The following COL4A2 variants were observed in gnomAD, a reference collection of about 807,000 sequenced individuals.
The protein encoded by COL4A2 is collagen type IV alpha 2 chain, also known as collagen alpha-2(IV) chain.
Under a neutral mutation model 200.2 loss-of-function variants are expected in COL4A2, and 99 were observed. That is an observed-to-expected ratio of 0.49 (90% CI 0.42 to 0.58). The LOEUF is 0.58. Ranked by LOEUF, COL4A2 falls within the 20% of genes least tolerant of loss-of-function variation. The probability of loss-of-function intolerance (pLI) is 0.00; values close to 1 mark genes in which losing one functional copy is unlikely to be tolerated. For missense variants in COL4A2, 1,950 were observed against 2,314.1 expected (o/e 0.84, Z 3.23); for synonymous variants, 897 against 900.6 (o/e 1.00, Z 0.07).
intron 31 of COL4A2, among the ~76,000 whole-genome samples, chr13:110,481,624 TG>T (rs1400538532): frequency 9.2e-5 from 2 of 21,706 alleles, no homozygotes; most frequent in Non-Finnish European, 9.2e-5. Context: ...GTCCCTCCGT[TG>T]CTGGAGACAC....
intron 4 of COL4A2, among the ~76,000 whole-genome samples, chr13:110,390,843 G>A (rs1288126290): frequency 6.6e-6 from 1 of 152,156 alleles, no homozygotes; most frequent in Non-Finnish European, 1.5e-5. Context: ...TGTTCCCATG[G>A]TATCCTAAAC....
At position 110,511,922 on chromosome 13, in the gene COL4A2, C is replaced by T. The variant is rs760554891; in HGVS notation, c.4882-12C>T. 20 of 1,613,242 alleles carry T rather than the reference C, an allele frequency of 1.2e-5. No homozygotes were observed. Among genetic ancestry groups the T allele is most frequent in the Middle Eastern group, 1.7e-4 (1 of 5,908 alleles). On this transcript the variant is annotated splice_polypyrimidine_tract_variant and intron_variant, in intron 47 of 47. Coordinates refer to ENST00000360467, the MANE Select transcript of COL4A2 (RefSeq NM_001846.4). Reference sequence around the variant, plus strand: ...TGATTCCTAACCCTGTCCTGCCCCCCTCTCTGTGCAGCACACGGCGGCGGG... The same window carrying T: ...TGATTCCTAACCCTGTCCTGCCCCCTTCTCTGTGCAGCACACGGCGGCGGG...
chr13:110,472,921 C>A lies in COL4A2; in HGVS notation c.2204-8C>A. On this transcript the variant is annotated splice_polypyrimidine_tract_variant and splice_region_variant and intron_variant, in intron 28 of 47. Transcript: ENST00000360467. ...TGTGGTTTGGGGCCCACCCATGTTT[C>A]CTTTTAGGGTTCATAGGACCCCGAG... The A allele has an allele frequency of 6.4e-7, 1 of 1,552,354 alleles. No homozygotes were observed. The highest frequency in any genetic ancestry group is 8.7e-7 in the Non-Finnish European group (1 of 1,147,434).
intron 28 of COL4A2, among the ~76,000 whole-genome samples, chr13:110,471,906 C>T (rs976325987): frequency 1.5e-4 from 23 of 152,040 alleles, no homozygotes; most frequent in African/African-American, 4.4e-4. Flanking sequence ...GCATGCACAG[C>T]GGGGGTGGTG....
Position 110,495,406 on chromosome 13 carries a change from G to T in COL4A2, c.3699G>T (p.Glu1233Asp). 6.2e-7 allele frequency: 1 copy of T among 1,614,110 alleles called. No homozygotes were observed. Among genetic ancestry groups the T allele is most frequent in the Non-Finnish European group, 8.5e-7 (1 of 1,180,014 alleles). ...CTGGGGAAAGAGGTGACCCAGGAGA[G>T]GCCAACACCCTTCCAGGCCCTGTGG... ...GPPGERGDPG[E>D]ANTLPGPVGV... The change falls in exon 40 of 48, where the codon GAG becomes GAT. Residue 1233 changes from glutamate to aspartate, a missense_variant. Physicochemically the swap from Glu to Asp is conservative, Grantham distance 45. This residue lies in a region of COL4A2 where 1,385 missense variants were observed against 1,720.5 expected (regional missense o/e 0.80). Coordinates refer to ENST00000360467, the MANE Select transcript of COL4A2 (RefSeq NM_001846.4).
intron 46 of COL4A2, 48 bp from the exon 47 acceptor site, chr13:110,507,887 G>A (rs367607999): frequency 7.0e-5 from 111 of 1,581,674 alleles, no homozygotes; most frequent in Admixed American, 1.7e-4. Flanking sequence ...TGGCAGGTGC[G>A]TCTTCTAGCC....
chr13:110,433,402 TC>T (rs1384422133), intron 11 of COL4A2, among the ~76,000 whole-genome samples: 1 of 152,018 alleles, frequency 6.6e-6, no homozygotes, highest in Non-Finnish European at 1.5e-5. Context: ...CCTGACCAAG[TC>T]ACTTCCTGGT....
At chr13:110,330,272 G>A (rs754420351) in intron 3 of COL4A2, among the ~76,000 whole-genome samples, 1 of 152,192 alleles carries the variant, frequency 6.6e-6, no homozygotes, top group Non-Finnish European at 1.5e-5. Flanking sequence ...GACAACTGAC[G>A]TGTCAGCGAT....
intron 11 of COL4A2, among the ~76,000 whole-genome samples, chr13:110,433,047 G>A (rs1053852910): frequency 4.6e-5 from 7 of 152,244 alleles, no homozygotes; most frequent in African/African-American, 9.6e-5. Flanking sequence ...GGCTGCCAGC[G>A]GGAAGCATCT....
chr13:110,374,305 G>T (rs1878144046), intron 4 of COL4A2, among the ~76,000 whole-genome samples: 1 of 152,104 alleles, frequency 6.6e-6, no homozygotes, highest in Non-Finnish European at 1.5e-5. Context: ...CATCATTAGA[G>T]AGTTAAGGAA....
intron 34 of COL4A2, among the ~76,000 whole-genome samples, chr13:110,488,949 G>A (rs987151176): frequency 7.9e-5 from 12 of 152,198 alleles, no homozygotes; most frequent in African/African-American, 2.7e-4. Context: ...GAACAGCAAG[G>A]CCAGGTGCAG....
In COL4A2 at chr13:110,450,102, A is replaced by T. The variant is rs547600348; in HGVS notation, c.1190-203A>T. On this transcript the variant is annotated intron_variant, in intron 19 of 47. Coordinates refer to ENST00000360467, the MANE Select transcript of COL4A2 (RefSeq NM_001846.4). Reference sequence around the variant, plus strand: ...TGCCCAGTGTTGATCACAACTATCAAGCCATTATTTGAGGGGCAAGGAGAG... The same window carrying T: ...TGCCCAGTGTTGATCACAACTATCATGCCATTATTTGAGGGGCAAGGAGAG... Among the ~76,000 whole-genome samples, 15 of 152,298 alleles carry T rather than the reference A, an allele frequency of 9.8e-5. 1 individual carries two copies. The highest frequency in any genetic ancestry group is 2.1e-4 in the Non-Finnish European group (14 of 68,022).
intron 3 of COL4A2, among the ~76,000 whole-genome samples, chr13:110,313,540 CCCCGCG>C (rs1885047988): frequency 1.5e-5 from 2 of 135,350 alleles, no homozygotes; most frequent in Non-Finnish European, 3.3e-5. Context: ...CACCCCGGTG[CCCCGCG>C]TCCACCCGGC....
intron 3 of COL4A2, among the ~76,000 whole-genome samples, chr13:110,324,909 G>A (rs118064697): frequency 3.2e-3 from 484 of 152,262 alleles, no homozygotes; most frequent in Non-Finnish European, 5.3e-3. Context: ...TTCATCTGTT[G>A]GTTCTTTGGA....
At chr13:110,425,943 G>T (rs1880457574) in intron 6 of COL4A2, among the ~76,000 whole-genome samples, 1 of 152,144 alleles carries the variant, frequency 6.6e-6, no homozygotes, top group African/African-American at 2.4e-5. Flanking sequence ...CAAAATAAAG[G>T]AAGTCACATT....
chr13:110,406,749 C>G (rs554673206), intron 4 of COL4A2, among the ~76,000 whole-genome samples: 5 of 152,206 alleles, frequency 3.3e-5, no homozygotes, highest in African/African-American at 1.2e-4. Context: ...TTTTCTCCGT[C>G]ACCTATTCTT....
chr13:110,383,760 C>A (rs1048158899), intron 4 of COL4A2, among the ~76,000 whole-genome samples: 2 of 151,914 alleles, frequency 1.3e-5, no homozygotes, highest in Non-Finnish European at 2.9e-5. Flanking sequence ...GGATTACAGG[C>A]GCATGCCACC....
At chr13:110,371,902 C>T (rs941892521) in intron 4 of COL4A2, among the ~76,000 whole-genome samples, 8 of 152,092 alleles carry the variant, frequency 5.3e-5, no homozygotes, top group African/African-American at 1.7e-4. Flanking sequence ...GGCTTTGAGA[C>T]AATAGGAACT....
chr13:110,396,026 G>T (rs565895744), intron 4 of COL4A2, among the ~76,000 whole-genome samples: 1 of 152,254 alleles, frequency 6.6e-6, no homozygotes, highest in African/African-American at 2.4e-5. Flanking sequence ...GAAAGAAAAG[G>T]TTTTAGTGAA....
Sources: allele counts gnomAD v4.1 joint callset (sites outside exome capture counted in the v4.1 genomes callset), GRCh38; gene constraint gnomAD v4.1.1; regional missense constraint gnomAD v4.1.1; transcripts MANE v1.5; gene names NCBI Gene and HGNC (gene_info 2026-07-23, HGNC 2026-07-21).